XRCC4: variants seen among roughly 807,000 people sequenced by gnomAD.
The protein encoded by XRCC4 is X-ray repair cross complementing 4.
Under a neutral mutation model 39.1 loss-of-function variants are expected in XRCC4, and 28 were observed. The ratio of observed to expected loss-of-function variants is 0.72; its 90% CI spans 0.53 to 0.98. XRCC4 has a LOEUF of 0.98. XRCC4 is among the 50% of genes least tolerant of loss of function. XRCC4 has a pLI of 0.00. For missense variants in XRCC4, 350 were observed against 376.4 expected, an observed-to-expected ratio of 0.93 and a Z score of 0.58; for synonymous variants, 123 against 126.4, an observed-to-expected ratio of 0.97 and a Z score of 0.18.
chr5:83,237,522 G>T (rs373206860), intron 6 of XRCC4, among the ~76,000 whole-genome samples: 13 of 152,098 alleles, frequency 8.5e-5, no homozygotes, highest in Admixed American at 2.0e-4. Flanking sequence ...GCAAATCAAA[G>T]AGCTTATAGA....
At chr5:83,100,788 TG>T (rs33976367) in intron 1 of XRCC4, among the ~76,000 whole-genome samples, 52,264 of 151,816 alleles carry the variant, frequency 0.34, 9,668 homozygotes, top group Non-Finnish European at 0.42. Flanking sequence ...TCTTTTTCAA[TG>T]ATTGGCATAG....
intron 7 of XRCC4, among the ~76,000 whole-genome samples, chr5:83,294,159 A>G (rs973714534): frequency 6.6e-6 from 1 of 151,980 alleles, no homozygotes; most frequent in South Asian, 2.1e-4. Context: ...TTTCAATACT[A>G]TCTGTTGGTA....
At chr5:83,273,683 C>G (rs1754223803) in intron 7 of XRCC4, among the ~76,000 whole-genome samples, 1 of 152,104 alleles carries the variant, frequency 6.6e-6, no homozygotes, top group Admixed American at 6.5e-5. Context: ...AATCCTTTCC[C>G]CCTCACTTGT....
chr5:83,357,047 T>C (rs1258148916), downstream of XRCC4, among the ~76,000 whole-genome samples: 2 of 152,228 alleles, frequency 1.3e-5, no homozygotes, highest in Non-Finnish European at 2.9e-5. Context: ...TACAGGACCC[T>C]GTGTTTTTGA....
intron 3 of XRCC4, among the ~76,000 whole-genome samples, chr5:83,174,843 CT>C (rs1749880219): frequency 6.6e-6 from 1 of 152,012 alleles, no homozygotes; most frequent in Non-Finnish European, 1.5e-5. Context: ...GTAGTTAGAG[CT>C]TTTAAAAGTT....
chr5:83,133,403 C>T (rs1747706145), intron 3 of XRCC4, among the ~76,000 whole-genome samples: 1 of 152,190 alleles, frequency 6.6e-6, no homozygotes, highest in South Asian at 2.1e-4. Flanking sequence ...AGAACCACTA[C>T]TCTCTTCACA....
At chr5:83,147,069 C>T (rs528364679) in intron 3 of XRCC4, among the ~76,000 whole-genome samples, 1 of 152,304 alleles carries the variant, frequency 6.6e-6, no homozygotes, top group Admixed American at 6.5e-5. Context: ...AATACTTGCT[C>T]TGTGATCTTT....
At chr5:83,221,162 A>G (rs767930870) in intron 6 of XRCC4, among the ~76,000 whole-genome samples, 5 of 152,168 alleles carry the variant, frequency 3.3e-5, no homozygotes, top group Non-Finnish European at 7.3e-5. Flanking sequence ...TATTGTTACT[A>G]CTATTCACTA....
At chr5:83,203,471 A>C in intron 4 of XRCC4, 81 bp from the exon 5 acceptor site, 1 of 1,216,910 alleles carries the variant, frequency 8.2e-7, no homozygotes, top group Non-Finnish European at 1.1e-6. Flanking sequence ...TTTCCTTGAA[A>C]TCTTCTTGAT....
chr5:83,186,951 T>G (rs1268435017), intron 3 of XRCC4, among the ~76,000 whole-genome samples: 2 of 43,954 alleles, frequency 4.6e-5, no homozygotes, highest in African/African-American at 1.2e-4. Context: ...ATTTTTTTTT[T>G]TTTTTTTTTT....
Position 83,252,100 on chromosome 5 carries a change from C to T in XRCC4, c.746-6430C>T, listed in dbSNP as rs113609662. Among the ~76,000 whole-genome samples, 920 of 152,260 alleles carry T rather than the reference C, an allele frequency of 6.0e-3. 13 individuals carry two copies. Among genetic ancestry groups the T allele is most frequent in the African/African-American group, 0.021 (881 of 41,556 alleles). On this transcript the variant is annotated intron_variant, in intron 6 of 7. Coordinates refer to ENST00000396027, the MANE Select transcript of XRCC4 (RefSeq NM_003401.5). ...ATGGTGTGCTAGACCTTATCTCAGCCTCTTTTCTTGATTATCTTTATACTT... is the reference window on the plus strand; with the variant it reads ...ATGGTGTGCTAGACCTTATCTCAGCTTCTTTTCTTGATTATCTTTATACTT...
intron 1 of XRCC4, among the ~76,000 whole-genome samples, chr5:83,099,592 A>G (rs1047756186): frequency 4.6e-5 from 7 of 152,212 alleles, no homozygotes; most frequent in Non-Finnish European, 8.8e-5. Flanking sequence ...CCAAGTATCA[A>G]AGACACAAAG....
chr5:83,190,304 G>A (rs1368813130), intron 3 of XRCC4, among the ~76,000 whole-genome samples: 5 of 151,850 alleles, frequency 3.3e-5, no homozygotes, highest in Non-Finnish European at 7.4e-5. Context: ...CTATATATAT[G>A]CAACTGTGTA....
At position 83,090,577 on chromosome 5, in the gene XRCC4, C is replaced by T. The variant is rs188173155; in HGVS notation, c.-11+12962C>T. Among the ~76,000 whole-genome samples, 718 of 152,184 alleles carry T rather than the reference C, an allele frequency of 4.7e-3. 1 individual carries two copies. The highest frequency in any genetic ancestry group is 0.012 in the Admixed American group (185 of 15,282). On this transcript the variant is annotated intron_variant, in intron 1 of 7. Transcript: ENST00000396027. ...TTCAAATTTTTATAGAGCTCAATCT[C>T]CTGGTCTGGGTGCATGGGAGGAATG...
At chr5:83,088,983 A>G (rs1745302253) in intron 1 of XRCC4, among the ~76,000 whole-genome samples, 1 of 152,230 alleles carries the variant, frequency 6.6e-6, no homozygotes, top group Non-Finnish European at 1.5e-5. Flanking sequence ...GAGGCCACCA[A>G]TTGATTAATC....
intron 7 of XRCC4, among the ~76,000 whole-genome samples, chr5:83,266,962 G>A (rs1580445553): frequency 6.6e-6 from 1 of 152,260 alleles, no homozygotes; most frequent in East Asian, 1.9e-4. Context: ...GTAATGAATA[G>A]CACACATACG....
chr5:83,084,014 A>G (rs1745075863), intron 1 of XRCC4, among the ~76,000 whole-genome samples: 2 of 152,124 alleles, frequency 1.3e-5, no homozygotes, highest in Non-Finnish European at 2.9e-5. Context: ...GGGTGTCTCT[A>G]TTTCAGTAGA....
At chr5:83,124,413 T>G (rs1747160372) in intron 3 of XRCC4, among the ~76,000 whole-genome samples, 1 of 152,168 alleles carries the variant, frequency 6.6e-6, no homozygotes, top group South Asian at 2.1e-4. Context: ...CCTAATACTT[T>G]TGAGATCCAC....
At chr5:83,316,754 G>A (rs1236269672) in intron 7 of XRCC4, among the ~76,000 whole-genome samples, 1 of 132,732 alleles carries the variant, frequency 7.5e-6, no homozygotes, top group Non-Finnish European at 1.6e-5. Flanking sequence ...ATTAATAATG[G>A]GAGACTTTAA....
Sources: gnomAD v4.1 joint callset for allele counts (sites outside exome capture counted in the v4.1 genomes callset) on GRCh38, gnomAD v4.1.1 for gene constraint, MANE v1.5 for transcripts, NCBI Gene and HGNC (gene_info 2026-07-23, HGNC 2026-07-21) for gene names.